ABCA13: variants seen among roughly 807,000 people sequenced by gnomAD.
ABCA13 encodes the protein ATP-binding cassette sub-family A member 13.
ABCA13 carries 476 observed loss-of-function variants against 478.7 expected under a neutral mutation model. The observed-to-expected ratio is 0.99, with a 90% CI of 0.92 to 1.07. The LOEUF (loss-of-function observed/expected upper bound fraction) is 1.07, where lower values mean the gene tolerates loss of function less well. Among genes scored for constraint, ABCA13 ranks in the 50% least tolerant of loss-of-function variants. The pLI, the probability that ABCA13 is intolerant of heterozygous loss-of-function variation, is 0.00. For synonymous variants in ABCA13, 2,252 were observed against 2,158.9 expected, an observed-to-expected ratio of 1.04 and a Z score of -1.20; for missense variants, 6,060 against 5,910.6, an observed-to-expected ratio of 1.03 and a Z score of -0.83.
chr7:48,467,710 A>G (rs2130191789), intron 44 of ABCA13, among the ~76,000 whole-genome samples: 1 of 152,320 alleles, frequency 6.6e-6, no homozygotes, highest in South Asian at 2.1e-4. Context: ...TTCTGGGTAG[A>G]GCAAATGAGG....
chr7:48,575,973 A>G (rs1433587105), intron 55 of ABCA13, among the ~76,000 whole-genome samples: 1 of 152,160 alleles, frequency 6.6e-6, no homozygotes, highest in Non-Finnish European at 1.5e-5. Flanking sequence ...TTCTGCCGGT[A>G]CTGAACATGT....
At chr7:48,567,960 T>C (rs1787244691) in intron 55 of ABCA13, among the ~76,000 whole-genome samples, 1 of 152,146 alleles carries the variant, frequency 6.6e-6, no homozygotes. Context: ...CGTATATGAA[T>C]GAAATTGCCT....
At chr7:48,641,108 A>C (rs1326432783) in intron 59 of ABCA13, among the ~76,000 whole-genome samples, 2 of 152,162 alleles carry the variant, frequency 1.3e-5, no homozygotes, top group Admixed American at 1.3e-4. Context: ...GCTTATAGAG[A>C]ATTTATTAGA....
intron 34 of ABCA13, among the ~76,000 whole-genome samples, chr7:48,374,786 G>A (rs1813198886): frequency 6.6e-6 from 1 of 152,186 alleles, no homozygotes; most frequent in Non-Finnish European, 1.5e-5. Context: ...CTGGGCCATG[G>A]AGCAGTCCGT....
rs1815424284 is a variant in ABCA13, at chr7:48,387,869, T to C, written c.11383T>C (p.Tyr3795His). The C allele has an allele frequency of 6.2e-7, 1 of 1,611,928 alleles. No homozygotes were observed. The highest frequency in any genetic ancestry group is 8.5e-7 in the Non-Finnish European group (1 of 1,179,112). The change falls in exon 36 of 62, where the codon TAT becomes CAT. Residue 3795 changes from tyrosine (Y) to histidine (H), a missense_variant. This residue lies in a region of ABCA13 where 1,627 missense variants were observed against 1,571.0 expected (regional missense o/e 1.04). Transcript: ENST00000435803. ...ATGGTATTTCCCCTTTACTGCCTCA[T>C]ATTGGAAGAGTGTGGGTTTCTTGGT... ...KPWYFPFTAS[Y>H]WKSVGFLVEK...
chr7:48,613,149 A>C (rs1792192719), intron 58 of ABCA13, among the ~76,000 whole-genome samples: 1 of 151,620 alleles, frequency 6.6e-6, no homozygotes, highest in Non-Finnish European at 1.5e-5. Context: ...CTTTATAGTA[A>C]GTATATCAAC....
chr7:48,224,513 T>A (rs904386580), intron 5 of ABCA13, among the ~76,000 whole-genome samples: 1 of 152,186 alleles, frequency 6.6e-6, no homozygotes, highest in Non-Finnish European at 1.5e-5. Context: ...CTTTCCCCAC[T>A]GCAACATGGA....
Position 48,392,086 on chromosome 7 carries a change from T to C in ABCA13, c.11820T>C (p.Ala3940=). 6.2e-7 allele frequency: 1 copy of C among 1,613,916 alleles called. No homozygotes were observed. The highest frequency in any genetic ancestry group is 1.1e-5 in the South Asian group (1 of 91,080). ...TCCGGGAACATTTGCTGCTCTTTGC[T>C]TCCATAAAGGCGCCTCAGTGGACCA... is the stretch of plus-strand genomic sequence containing the variant. ...LTVREHLLLF[A]SIKAPQWTKK... is the part of the protein sequence containing the mutation. The change falls in exon 38 of 62, where the codon GCT becomes GCC. Residue 3940 remains alanine (A), a synonymous_variant. Transcript: ENST00000435803.
intron 43 of ABCA13, among the ~76,000 whole-genome samples, chr7:48,463,906 C>T (rs1270484430): frequency 6.6e-6 from 1 of 151,538 alleles, no homozygotes; most frequent in African/African-American, 2.4e-5. Flanking sequence ...CTGCTGTCTT[C>T]CCAGATGCCC....
intron 31 of ABCA13, among the ~76,000 whole-genome samples, chr7:48,360,131 GC>G: frequency 6.6e-6 from 1 of 151,838 alleles, no homozygotes. Flanking sequence ...ATGTTGGTGT[GC>G]TGCACCCATT....
chr7:48,313,026 T>A, intron 24 of ABCA13, 41 bp from the exon 25 acceptor site: 4 of 1,499,992 alleles, frequency 2.7e-6, no homozygotes, highest in Non-Finnish European at 3.6e-6. Context: ...AAATACAGTG[T>A]TGGTTATTTC....
intron 23 of ABCA13, among the ~76,000 whole-genome samples, chr7:48,303,486 T>G (rs1001952534): frequency 2.0e-5 from 3 of 152,220 alleles, no homozygotes; most frequent in African/African-American, 7.2e-5. Context: ...ATTTAAATCT[T>G]TAACCCATCT....
At chr7:48,396,311 G>A (rs1397782172) in intron 38 of ABCA13, among the ~76,000 whole-genome samples, 1 of 152,224 alleles carries the variant, frequency 6.6e-6, no homozygotes, top group Non-Finnish European at 1.5e-5. Context: ...CCTCACCTCT[G>A]CAATGGCTAC....
chr7:48,482,852 C>G (rs1263830581), intron 46 of ABCA13, among the ~76,000 whole-genome samples: 1 of 152,238 alleles, frequency 6.6e-6, no homozygotes, highest in African/African-American at 2.4e-5. Flanking sequence ...CTTATCCACA[C>G]CTTCTCAATT....
rs539068626 is a variant in ABCA13 at position 48,616,882 on chromosome 7, TA to T, written c.14837+1511del. Among the ~76,000 whole-genome samples, 567 of 152,160 alleles carry T rather than the reference TA, an allele frequency of 3.7e-3. 6 individuals carry two copies. The highest frequency in any genetic ancestry group is 0.013 in the African/African-American group (546 of 41,508). On this transcript the variant is annotated intron_variant, in intron 59 of 61. Coordinates refer to ENST00000435803, the MANE Select transcript of ABCA13 (RefSeq NM_152701.5). The stretch of plus-strand genomic sequence containing the variant: ...CAAAACATTTTTTAAAAATTAATTT[TA>T]AAAAATTATATCCAGGTGTGGTGGG...
chr7:48,600,342 G>A lies in ABCA13; in HGVS notation c.14744+5529G>A, dbSNP rs564243797. 5.3e-5 allele frequency among the ~76,000 whole-genome samples: 8 copies of A among 150,804 alleles called. No individual in the cohort carries two copies. The South Asian group carries it at 1.5e-3, about 27-fold the overall frequency. On this transcript the variant is annotated intron_variant, in intron 58 of 61. Coordinates refer to ENST00000435803, the MANE Select transcript of ABCA13 (RefSeq NM_152701.5). ...TGTTTCCTATAGATTGTGTATAGTT[G>A]GATATTGTTTTTTTTTTTCCCAATC...
chr7:48,489,333 G>C lies in ABCA13; in HGVS notation c.13280G>C (p.Trp4427Ser), dbSNP rs1489244836. The C allele has an allele frequency of 1.2e-6, 2 of 1,601,122 alleles. No individual in the cohort carries two copies. The highest frequency in any genetic ancestry group is 1.7e-4 in the Middle Eastern group (1 of 6,032). ...CAGCACCTACCCCCTACTGTGGACT[G>C]GAGACAATACGGTAATGTTATTTTT... Reference protein sequence around the residue: ...LWQHLPPTVDWRQYGITLYSH... With the variant: ...LWQHLPPTVDSRQYGITLYSH... The change falls in exon 48 of 62, where the codon TGG becomes TCG. Residue 4427 changes from tryptophan to serine, a missense_variant. Trp to Ser is a radical substitution (Grantham distance 177, BLOSUM62 -3). Transcript: ENST00000435803.
rs137899166 is a variant in ABCA13, at chr7:48,185,502, T to C, written c.70-7457T>C. Among the ~76,000 whole-genome samples the C allele has an allele frequency of 5.7e-3, 867 of 152,302 alleles. 13 individuals carry two copies. The highest frequency in any genetic ancestry group is 0.02 in the African/African-American group (821 of 41,572). The stretch of plus-strand genomic sequence containing the variant: ...CTTTTGGAATTCCATTAGAATTGCA[T>C]TGAGCCTACAGATCAATCTGGGTAG... On this transcript the variant is annotated intron_variant, in intron 1 of 61. Transcript: ENST00000435803.
intron 2 of ABCA13, among the ~76,000 whole-genome samples, chr7:48,196,037 T>C (rs990093194): frequency 1.4e-4 from 21 of 152,070 alleles, no homozygotes; most frequent in Non-Finnish European, 7.4e-5. Flanking sequence ...CAAAAAAAGC[T>C]TGCATGCAAC....
Sources: allele counts gnomAD v4.1 joint callset (sites outside exome capture counted in the v4.1 genomes callset), GRCh38; gene constraint gnomAD v4.1.1; regional missense constraint gnomAD v4.1.1; transcripts MANE v1.5; gene names NCBI Gene and HGNC (gene_info 2026-07-23, HGNC 2026-07-21).